MED12L: variants seen among roughly 807,000 people sequenced by gnomAD.
The protein encoded by MED12L is mediator of RNA polymerase II transcription subunit 12-like protein.
A neutral mutation model predicts 281.3 loss-of-function variants in MED12L; 60 were observed. That is an observed-to-expected ratio of 0.21 (90% CI 0.17 to 0.26). The LOEUF is 0.26. Ranked by LOEUF, MED12L falls within the 10% of genes least tolerant of loss-of-function variation. The pLI, the probability that MED12L is intolerant of heterozygous loss-of-function variation, is 1.00. For synonymous variants in MED12L, 974 were observed against 987.2 expected, an observed-to-expected ratio of 0.99 and a Z score of 0.25; for missense variants, 2,146 against 2,680.9, an observed-to-expected ratio of 0.80 and a Z score of 4.41.
chr3:151,430,941 G>A (rs372800942), intron 44 of MED12L, among the ~76,000 whole-genome samples: 1 of 148,984 alleles, frequency 6.7e-6, no homozygotes, highest in Non-Finnish European at 1.5e-5. Context: ...TGGTGTTTTT[G>A]TTTTGTTTTG....
intron 16 of MED12L, among the ~76,000 whole-genome samples, chr3:151,276,406 C>T (rs1741865272): frequency 6.6e-6 from 1 of 152,212 alleles, no homozygotes; most frequent in African/African-American, 2.4e-5. Context: ...CATCATCCTC[C>T]ACTAGACAGC....
At chr3:151,406,276 G>A (rs1043807446) in intron 39 of MED12L, among the ~76,000 whole-genome samples, 1 of 152,022 alleles carries the variant, frequency 6.6e-6, no homozygotes. Context: ...TTTAACATTT[G>A]TAAAATATTT....
chr3:151,232,384 C>T (rs4680260), intron 16 of MED12L, among the ~76,000 whole-genome samples: 1 of 151,956 alleles, frequency 6.6e-6, no homozygotes, highest in African/African-American at 2.4e-5. Flanking sequence ...GATAGCCATT[C>T]TGATTGGTGT....
chr3:151,213,311 C>T, intron 16 of MED12L: 2 of 1,605,952 alleles, frequency 1.2e-6, no homozygotes, highest in Non-Finnish European at 1.7e-6. Context: ...CACAAAGTAT[C>T]TGTGCTTTCA....
intron 16 of MED12L, chr3:151,340,542 C>T (rs1451453268): frequency 1.3e-5 from 2 of 152,534 alleles, no homozygotes; most frequent in Admixed American, 1.3e-4. Context: ...AATGTACACA[C>T]ATATCAGAGT....
At chr3:151,140,633 G>A (rs1237696221) in intron 5 of MED12L, among the ~76,000 whole-genome samples, 1 of 152,010 alleles carries the variant, frequency 6.6e-6, no homozygotes, top group Non-Finnish European at 1.5e-5. Flanking sequence ...TAATTTTTTG[G>A]TGAAATCAAA....
intron 11 of MED12L, among the ~76,000 whole-genome samples, chr3:151,170,217 G>T (rs1425733978): frequency 6.6e-6 from 1 of 152,098 alleles, no homozygotes; most frequent in Non-Finnish European, 1.5e-5. Flanking sequence ...GGGTGTGCCA[G>T]GCTATGTGGT....
intron 36 of MED12L, among the ~76,000 whole-genome samples, 198 bp downstream of exon 36, chr3:151,385,389 T>C (rs1401910917): frequency 6.6e-6 from 1 of 152,172 alleles, no homozygotes; most frequent in Non-Finnish European, 1.5e-5. Flanking sequence ...ACGTTTTATA[T>C]GTTTAAAGGA....
At chr3:151,416,269 T>C in intron 42 of MED12L, 43 bp from the exon 43 acceptor site, 1 of 1,612,316 alleles carries the variant, frequency 6.2e-7, no homozygotes, top group South Asian at 1.1e-5. Context: ...AATGCTGTTT[T>C]CTTCTTCCTT....
intron 43 of MED12L, among the ~76,000 whole-genome samples, chr3:151,418,704 T>C (rs1717910706): frequency 1.3e-5 from 2 of 152,220 alleles, no homozygotes; most frequent in Non-Finnish European, 2.9e-5. Context: ...GTGAACTTAT[T>C]ATTTTCCCTT....
At chr3:151,248,613 C>G (rs1736225373) in intron 16 of MED12L, among the ~76,000 whole-genome samples, 1 of 152,044 alleles carries the variant, frequency 6.6e-6, no homozygotes, top group African/African-American at 2.4e-5. Flanking sequence ...ATAGGAATTT[C>G]CTAATGCCTA....
intron 16 of MED12L, among the ~76,000 whole-genome samples, chr3:151,230,491 T>C (rs908631762): frequency 6.6e-6 from 1 of 152,170 alleles, no homozygotes; most frequent in Non-Finnish European, 1.5e-5. Flanking sequence ...TTTCTCGTTA[T>C]ACTATACACT....
intron 16 of MED12L, chr3:151,328,698 A>T (rs768905525): frequency 6.2e-7 from 1 of 1,614,072 alleles, no homozygotes; most frequent in Non-Finnish European, 8.5e-7. Flanking sequence ...AATATCACCG[A>T]AGAAAAACGA....
At chr3:151,222,185 C>G (rs1729499931) in intron 16 of MED12L, among the ~76,000 whole-genome samples, 1 of 152,332 alleles carries the variant, frequency 6.6e-6, no homozygotes, top group Non-Finnish European at 1.5e-5. Context: ...TGCATTGTAT[C>G]TAGGAAGTAA....
At chr3:151,234,189 T>C (rs1732273281) in intron 16 of MED12L, among the ~76,000 whole-genome samples, 1 of 152,232 alleles carries the variant, frequency 6.6e-6, no homozygotes. Flanking sequence ...CAGATGATTA[T>C]TGACAGGAGA....
At chr3:151,243,625 A>G (rs1454300494) in intron 16 of MED12L, among the ~76,000 whole-genome samples, 9 of 151,826 alleles carry the variant, frequency 5.9e-5, no homozygotes, top group Non-Finnish European at 8.9e-5. Context: ...AGCGCTAAAC[A>G]TGGAAAGGAA....
At chr3:151,369,050 C>T (rs539108487) in intron 25 of MED12L, among the ~76,000 whole-genome samples, 4 of 152,132 alleles carry the variant, frequency 2.6e-5, no homozygotes, top group South Asian at 4.1e-4. Context: ...CGTGAGCCAC[C>T]GCACCCATCC....
intron 39 of MED12L, among the ~76,000 whole-genome samples, chr3:151,406,796 C>G (rs1297828835): frequency 9.6e-6 from 1 of 104,172 alleles, no homozygotes; most frequent in Non-Finnish European, 1.9e-5. Flanking sequence ...TCCATTTCTT[C>G]TTCTTCTTTT....
At chr3:151,314,889 C>T (rs1161737593) in intron 16 of MED12L, among the ~76,000 whole-genome samples, 1 of 152,182 alleles carries the variant, frequency 6.6e-6, no homozygotes. Context: ...TTGCCTAAGT[C>T]ACACTGATAA....
Sources: allele counts gnomAD v4.1 joint callset (sites outside exome capture counted in the v4.1 genomes callset), GRCh38; gene constraint gnomAD v4.1.1; transcripts MANE v1.5; gene names NCBI Gene and HGNC (gene_info 2026-07-23, HGNC 2026-07-21).